FAM210A: variants seen among roughly 807,000 people sequenced by gnomAD.
FAM210A encodes mitochondrial inner membrane scaffold 1, also known as family with sequence similarity 210 member A.
A neutral mutation model predicts 25.3 loss-of-function variants in FAM210A; 13 were observed. That is an observed-to-expected ratio of 0.51 (90% CI 0.33 to 0.82). The LOEUF (loss-of-function observed/expected upper bound fraction) is 0.82, where lower values mean the gene tolerates loss of function less well. Ranked by LOEUF, FAM210A falls within the 40% of genes least tolerant of loss-of-function variation. The pLI is 0.02. For missense variants in FAM210A, 319 were observed against 323.2 expected (o/e 0.99, Z 0.10); for synonymous variants, 125 against 118.7 (o/e 1.05, Z -0.35).
intron 1 of FAM210A, among the ~76,000 whole-genome samples, chr18:13,713,927 A>G (rs1308560611): frequency 6.6e-6 from 1 of 152,154 alleles, no homozygotes; most frequent in African/African-American, 2.4e-5. Flanking sequence ...GTTGCCCAAC[A>G]TTACTCCCGG....
At chr18:13,691,107 G>T (rs1272057958) in intron 1 of FAM210A, among the ~76,000 whole-genome samples, 2 of 152,162 alleles carry the variant, frequency 1.3e-5, no homozygotes, top group Non-Finnish European at 2.9e-5. Flanking sequence ...TACGTGACGT[G>T]TGCAAAAGCT....
At chr18:13,677,692 C>A (rs747522972) in intron 2 of FAM210A, among the ~76,000 whole-genome samples, 1 of 152,046 alleles carries the variant, frequency 6.6e-6, no homozygotes, top group Non-Finnish European at 1.5e-5. Context: ...TAAGACAATA[C>A]GAGGGGTGGT....
intron 1 of FAM210A, among the ~76,000 whole-genome samples, chr18:13,704,380 T>G (rs2043762538): frequency 6.6e-6 from 1 of 152,184 alleles, no homozygotes; most frequent in Non-Finnish European, 1.5e-5. Flanking sequence ...TTATTCAGCA[T>G]TCCATAAATT....
At chr18:13,724,204 C>T (rs927914927) in intron 1 of FAM210A, among the ~76,000 whole-genome samples, 1 of 152,136 alleles carries the variant, frequency 6.6e-6, no homozygotes, top group Non-Finnish European at 1.5e-5. Context: ...ATAACCCAGG[C>T]ATTAAGAAGT....
chr18:13,701,215 T>C (rs1405069706), intron 1 of FAM210A, among the ~76,000 whole-genome samples: 1 of 152,170 alleles, frequency 6.6e-6, no homozygotes, highest in Non-Finnish European at 1.5e-5. Flanking sequence ...CTGGGGATCA[T>C]GGTAAGTTCT....
intron 1 of FAM210A, among the ~76,000 whole-genome samples, chr18:13,705,263 C>T (rs2043769074): frequency 1.3e-5 from 2 of 152,064 alleles, no homozygotes; most frequent in South Asian, 4.1e-4. Flanking sequence ...GTGCTATGTA[C>T]CTAATTTGGA....
chr18:13,680,096 A>G (rs2043539170), intron 2 of FAM210A, among the ~76,000 whole-genome samples: 1 of 152,250 alleles, frequency 6.6e-6, no homozygotes, highest in African/African-American at 2.4e-5. Context: ...AAAGAAACAC[A>G]TATGTATTTT....
intron 1 of FAM210A, among the ~76,000 whole-genome samples, chr18:13,717,201 A>G (rs1183050671): frequency 6.6e-6 from 1 of 152,202 alleles, no homozygotes; most frequent in Non-Finnish European, 1.5e-5. Context: ...CCCCCCAAGC[A>G]ATGTTTACTA....
At chr18:13,726,139 G>A (rs2043945338) in intron 1 of FAM210A, among the ~76,000 whole-genome samples, 190 bp downstream of exon 1, 1 of 152,194 alleles carries the variant, frequency 6.6e-6, no homozygotes, top group African/African-American at 2.4e-5. Context: ...TCTCTCGGCC[G>A]CCGGGGTCTG....
intron 1 of FAM210A, among the ~76,000 whole-genome samples, chr18:13,696,182 T>A (rs1029277205): frequency 2.6e-5 from 4 of 152,230 alleles, no homozygotes; most frequent in African/African-American, 9.6e-5. Flanking sequence ...AACAATAATA[T>A]CCGAATCAAA....
intron 2 of FAM210A, among the ~76,000 whole-genome samples, chr18:13,676,170 A>G (rs201829269): frequency 0.51 from 9,249 of 18,286 alleles, 4,201 homozygotes; most frequent in East Asian, 0.66. Context: ...CTGAGCCCCG[A>G]CTTCATTTCC....
At chr18:13,704,147 T>TA (rs1289814091) in intron 1 of FAM210A, among the ~76,000 whole-genome samples, 3 of 152,066 alleles carry the variant, frequency 2.0e-5, no homozygotes, top group African/African-American at 4.8e-5. Context: ...TTAAAACTAC[T>TA]AAAAAAAATA....
chr18:13,718,641 T>C (rs975959293), intron 1 of FAM210A, among the ~76,000 whole-genome samples: 3 of 152,230 alleles, frequency 2.0e-5, no homozygotes, highest in African/African-American at 7.2e-5. Context: ...AGCCAAACTA[T>C]ATAAATTTCA....
In FAM210A at chr18:13,691,919, A is replaced by C. The variant is rs2043647917; in HGVS notation, c.-28-9814T>G. On this transcript the variant is annotated intron_variant, in intron 1 of 3. Coordinates refer to ENST00000651643, the MANE Select transcript of FAM210A (RefSeq NM_152352.4). ...ACATAACAATATTAACCTTAAATGTAAATGAACTAAATGCTCCAGTTAAAA... is the reference window on the plus strand; with the variant it reads ...ACATAACAATATTAACCTTAAATGTCAATGAACTAAATGCTCCAGTTAAAA... Among the ~76,000 whole-genome samples, 2 of 23,540 alleles carry C rather than the reference A, an allele frequency of 8.5e-5. 1 individual carries two copies. Among genetic ancestry groups the C allele is most frequent in the Non-Finnish European group, 2.1e-4 (2 of 9,572 alleles). The allele number at this position is 23,540 out of a possible 152,430, so 15.4% of individuals were successfully genotyped here.
chr18:13,673,201 A>G (rs1274799455), intron 2 of FAM210A, among the ~76,000 whole-genome samples: 1 of 148,432 alleles, frequency 6.7e-6, no homozygotes, highest in Non-Finnish European at 1.5e-5. Context: ...CTGAGCCCCG[A>G]CTTCTTTATT....
chr18:13,689,692 T>C (rs958847814), intron 1 of FAM210A, among the ~76,000 whole-genome samples: 9 of 152,190 alleles, frequency 5.9e-5, no homozygotes, highest in African/African-American at 1.9e-4. Flanking sequence ...TTAAAAAGTA[T>C]ACCGATTGGA....
chr18:13,709,134 C>A (rs1485930989), intron 1 of FAM210A, among the ~76,000 whole-genome samples: 2 of 152,196 alleles, frequency 1.3e-5, no homozygotes. Context: ...CCATACCTTT[C>A]CAAATCTCTT....
At position 13,671,796 on chromosome 18, in the gene FAM210A, C is replaced by T. The variant is rs1859801451; in HGVS notation, c.585+66G>A. On this transcript the variant is annotated intron_variant, in intron 3 of 3. Transcript: ENST00000651643. ...ACAATTGGAAGCTAACATGGAATCTCATGGGAAAGTGAGCAGGTCACCACC... is the reference window on the plus strand; with the variant it reads ...ACAATTGGAAGCTAACATGGAATCTTATGGGAAAGTGAGCAGGTCACCACC... 9 of 958,758 alleles carry T rather than the reference C, an allele frequency of 9.4e-6. No homozygotes were observed. The South Asian group carries it at 1.3e-4, about 14-fold the overall frequency. The allele number at this position is 958,758 out of a possible 1,614,324, so 59.4% of individuals were successfully genotyped here.
At chr18:13,690,699 G>C (rs937894045) in intron 1 of FAM210A, among the ~76,000 whole-genome samples, 2 of 152,214 alleles carry the variant, frequency 1.3e-5, no homozygotes, top group Non-Finnish European at 2.9e-5. Context: ...GGTTCTGACT[G>C]TTAGAAGGAA....
Sources: allele counts gnomAD v4.1 joint callset (sites outside exome capture counted in the v4.1 genomes callset), GRCh38; gene constraint gnomAD v4.1.1; transcripts MANE v1.5; gene names NCBI Gene and HGNC (gene_info 2026-07-23, HGNC 2026-07-21).